Variants in PALS2 observed in about 807,000 individuals in gnomAD.
PALS2 encodes the protein protein associated with LIN7 2, MAGUK p55 family member.
A neutral mutation model predicts 61.6 loss-of-function variants in PALS2; 27 were observed. The ratio of observed to expected loss-of-function variants is 0.44; its 90% confidence interval spans 0.32 to 0.60. PALS2 has a LOEUF of 0.60. Among genes scored for constraint, PALS2 ranks in the 20% least tolerant of loss-of-function variants. The pLI is 0.05. For missense variants in PALS2, 554 were observed against 639.4 expected (o/e 0.87, Z 1.44); for synonymous variants, 236 against 218.6 (o/e 1.08, Z -0.70).
chr7:24,585,497 A>G (rs1783028511), intron 1 of PALS2, among the ~76,000 whole-genome samples: 1 of 152,162 alleles, frequency 6.6e-6, no homozygotes, highest in African/African-American at 2.4e-5. Context: ...GATTAAAAAA[A>G]AATGCTTTTA....
chr7:24,624,232 C>CT, intron 2 of PALS2: 1 of 845,278 alleles, frequency 1.2e-6, no homozygotes, highest in Non-Finnish European at 1.6e-6. Context: ...TATTTTAAGT[C>CT]TGTTTCCCTA....
At position 24,685,338 on chromosome 7, in the gene PALS2, A is replaced by G. The variant is rs183286709; in HGVS notation, c.1447-2100A>G. 1.8e-4 allele frequency among the ~76,000 whole-genome samples: 27 copies of G among 152,332 alleles called. No homozygotes were observed. In the East Asian group the frequency reaches 2.7e-3, roughly 15 times the overall value. ...AATTTAAATTTTGTTGTATAATTCT[A>G]TACAACATTTTCATTGCTCCAACAT... On this transcript the variant is annotated intron_variant, in intron 11 of 11. Coordinates refer to ENST00000222644, the MANE Select transcript of PALS2 (RefSeq NM_001303037.2).
At chr7:24,671,248 G>C (rs970212733) in intron 9 of PALS2, among the ~76,000 whole-genome samples, 1 of 152,070 alleles carries the variant, frequency 6.6e-6, no homozygotes, top group African/African-American at 2.4e-5. Flanking sequence ...TCTCATTTTG[G>C]TTCTCATTTG....
At chr7:24,626,621 T>G (rs771517030) in intron 2 of PALS2, among the ~76,000 whole-genome samples, 49 of 152,290 alleles carry the variant, frequency 3.2e-4, no homozygotes, top group Non-Finnish European at 6.2e-4. Flanking sequence ...GTCTGCTGTA[T>G]TCAGGAGACA....
At position 24,658,560 on chromosome 7, in the gene PALS2, CTT is replaced by C. The variant is rs35030453; in HGVS notation, c.652-5016_652-5015del. On this transcript the variant is annotated intron_variant, in intron 5 of 11. Coordinates refer to ENST00000222644, the MANE Select transcript of PALS2 (RefSeq NM_001303037.2). ...GAAATATTCTTTTTTTTTCTTCCAA[CTT>C]TTTTTTTTTTTTTGAGACAGAGTCT... Among the ~76,000 whole-genome samples, 1,583 of 135,008 alleles carry C rather than the reference CTT, an allele frequency of 0.012. 43 individuals carry two copies. In the East Asian group the frequency reaches 0.12, roughly 10 times the overall value. The allele number at this position is 135,008 out of a possible 152,430, so 88.6% of individuals were successfully genotyped here. A position where few individuals can be genotyped will look rare whatever the true frequency, so the allele number is the denominator to read the frequency against.
At chr7:24,630,054 A>G (rs1478875962) in intron 2 of PALS2, among the ~76,000 whole-genome samples, 1 of 152,220 alleles carries the variant, frequency 6.6e-6, no homozygotes, top group East Asian at 1.9e-4. Context: ...ACTATTCACA[A>G]TAGCAAAGAC....
chr7:24,623,825 C>T (rs754418070), intron 2 of PALS2, 41 bp downstream of exon 2: 25 of 1,396,174 alleles, frequency 1.8e-5, no homozygotes, highest in Non-Finnish European at 2.3e-5. Context: ...TTATTTTGGA[C>T]TTAGTTTTTA....
chr7:24,685,217 T>G (rs971555532), intron 11 of PALS2, among the ~76,000 whole-genome samples: 6 of 152,212 alleles, frequency 3.9e-5, no homozygotes, highest in African/African-American at 1.4e-4. Flanking sequence ...TTAAAGCCAC[T>G]GAAATAATTC....
chr7:24,619,732 A>AG (rs1784424232), intron 1 of PALS2, among the ~76,000 whole-genome samples: 1 of 151,486 alleles, frequency 6.6e-6, no homozygotes, highest in South Asian at 2.1e-4. Context: ...AAAAAAAAAA[A>AG]AAAGAAAGAA....
rs141663246 is a variant in PALS2, at chr7:24,691,473, T to TC, written c.*3862dup. 2,319 of 145,624 alleles carry TC rather than the reference T, an allele frequency of 0.016. 83 individuals carry two copies. Among genetic ancestry groups the TC allele is most frequent in the African/African-American group, 0.055 (2,224 of 40,090 alleles). 9.0% of individuals were successfully genotyped at this position (145,624 alleles called of 1,614,324 possible). A position where few individuals can be genotyped will look rare whatever the true frequency, so the allele number is the denominator to read the frequency against. On this transcript the variant is annotated 3_prime_UTR_variant, in exon 12 of 12. Coordinates refer to ENST00000222644, the MANE Select transcript of PALS2 (RefSeq NM_001303037.2). ...GCTATGTGTATAATATGTAAAATTC[T>TC]CCCAAAATGTATGAATATAAAACTG...
chr7:24,623,628 T>G, intron 1 of PALS2, 38 bp from the exon 2 acceptor site: 1 of 1,281,816 alleles, frequency 7.8e-7, no homozygotes, highest in Non-Finnish European at 1.1e-6. Flanking sequence ...TGTTTGTTTG[T>G]TTGTTTGTTT....
At chr7:24,590,826 A>G (rs1459728254) in intron 1 of PALS2, among the ~76,000 whole-genome samples, 1 of 147,824 alleles carries the variant, frequency 6.8e-6, no homozygotes, top group Non-Finnish European at 1.5e-5. Flanking sequence ...ATATTGGCTC[A>G]CAGGGATATT....
At chr7:24,663,492 G>A in intron 5 of PALS2, 98 bp from the exon 6 acceptor site, 3 of 1,165,064 alleles carry the variant, frequency 2.6e-6, no homozygotes, top group South Asian at 1.8e-5. Context: ...TAAATACATT[G>A]TCAGTTACAA....
chr7:24,639,509 T>C lies in PALS2; in HGVS notation c.118-2207T>C, dbSNP rs943463652. On this transcript the variant is annotated intron_variant, in intron 2 of 11. Coordinates refer to ENST00000222644, the MANE Select transcript of PALS2 (RefSeq NM_001303037.2). ...TAAGGTTCTTTCCTTCCTTTTTTTTTCCTTTGAAGCTTTCTTTTTATACTA... is the reference window on the plus strand; with the variant it reads ...TAAGGTTCTTTCCTTCCTTTTTTTTCCCTTTGAAGCTTTCTTTTTATACTA... Among the ~76,000 whole-genome samples the C allele has an allele frequency of 9.8e-5, 15 of 152,302 alleles. 1 individual carries two copies. The highest frequency in any genetic ancestry group is 7.2e-4 in the Admixed American group (11 of 15,294).
At chr7:24,615,799 C>G (rs1784275304) in intron 1 of PALS2, among the ~76,000 whole-genome samples, 1 of 151,952 alleles carries the variant, frequency 6.6e-6, no homozygotes, top group Non-Finnish European at 1.5e-5. Context: ...AACATAAATG[C>G]AAAAATCCTC....
intron 3 of PALS2, among the ~76,000 whole-genome samples, chr7:24,642,889 T>G (rs909422266): frequency 9.9e-5 from 15 of 151,924 alleles, no homozygotes; most frequent in African/African-American, 3.1e-4. Context: ...AAACTTTAGG[T>G]GTGGAGGGGG....
At chr7:24,631,209 T>C (rs561305600) in intron 2 of PALS2, among the ~76,000 whole-genome samples, 32 of 152,164 alleles carry the variant, frequency 2.1e-4, no homozygotes, top group Admixed American at 1.7e-3. Flanking sequence ...TTCACATGAG[T>C]TGGGGAGAAG....
chr7:24,672,117 C>T (rs1787326458), intron 9 of PALS2, among the ~76,000 whole-genome samples: 1 of 149,936 alleles, frequency 6.7e-6, no homozygotes, highest in Non-Finnish European at 1.5e-5. Flanking sequence ...ATTCTAGCTA[C>T]CTTTTCTGCA....
chr7:24,632,158 T>C (rs756341279), intron 2 of PALS2, among the ~76,000 whole-genome samples: 2 of 152,344 alleles, frequency 1.3e-5, no homozygotes, highest in Middle Eastern at 3.4e-3. Context: ...AAGATTGTTA[T>C]ATCATCTCAG....
Sources: gnomAD v4.1 joint callset for allele counts (sites outside exome capture counted in the v4.1 genomes callset) on GRCh38, gnomAD v4.1.1 for gene constraint, MANE v1.5 for transcripts, NCBI Gene and HGNC (gene_info 2026-07-23, HGNC 2026-07-21) for gene names.